AVEN: variants seen among roughly 807,000 people sequenced by gnomAD.
AVEN encodes the protein apoptosis and caspase activation inhibitor, also known as cell death regulator Aven.
In AVEN, 41 loss-of-function variants were observed where a neutral mutation model predicts 38.1. The observed-to-expected ratio is 1.08, with a 90% confidence interval of 0.84 to 1.40. AVEN has a LOEUF of 1.40. Ranked by LOEUF, AVEN falls within the 40% of genes most tolerant of loss-of-function variation. The pLI is 0.00. For synonymous variants in AVEN, 206 were observed against 171.8 expected (o/e 1.20, Z -1.56); for missense variants, 605 against 438.8 (o/e 1.38, Z -3.38).
intron 2 of AVEN, among the ~76,000 whole-genome samples, chr15:33,931,665 G>A (rs935097417): frequency 3.3e-5 from 5 of 151,938 alleles, no homozygotes; most frequent in Non-Finnish European, 5.9e-5. Flanking sequence ...CACCGCGCCC[G>A]GCCTGAATAT....
intron 2 of AVEN, among the ~76,000 whole-genome samples, chr15:33,942,537 G>A (rs1428214865): frequency 2.6e-5 from 4 of 151,684 alleles, no homozygotes; most frequent in African/African-American, 9.7e-5. Context: ...TGCAAGCTCC[G>A]CCCCCCGGAT....
At chr15:33,853,135 G>A in the AVEN span, 2 of 1,483,876 alleles carry the variant, frequency 1.3e-6, no homozygotes, top group Non-Finnish European at 1.8e-6. Flanking sequence ...AAAAAATGTG[G>A]TGTATGTTTT....
At chr15:33,901,349 C>T (rs1190461550) in intron 2 of AVEN, among the ~76,000 whole-genome samples, 1 of 152,164 alleles carries the variant, frequency 6.6e-6, no homozygotes, top group Non-Finnish European at 1.5e-5. Flanking sequence ...ACTAGAAGTC[C>T]ACATACAATG....
In AVEN at chr15:33,866,670, G is replaced by C. The variant is rs575647448; in HGVS notation, c.1032C>G (p.Thr344=). The part of the protein sequence containing the change: ...EKNMEPEQPS[T]SKNVTEEELE... ...GCTCTTCCTCGGTAACATTTTTGGA[G>C]GTACTTGGTTGCTCAGGTTCCATGT... Residue 344 remains threonine, a synonymous_variant, in exon 6 of 6, where the codon ACC becomes ACG. Coordinates refer to ENST00000306730, the MANE Select transcript of AVEN (RefSeq NM_020371.3). The C allele has an allele frequency of 6.2e-7, 1 of 1,614,008 alleles. No homozygotes were observed. Among genetic ancestry groups the C allele is most frequent in the Admixed American group, 1.7e-5 (1 of 60,026 alleles).
At chr15:33,933,465 A>C (rs1053128798) in intron 2 of AVEN, among the ~76,000 whole-genome samples, 4 of 146,644 alleles carry the variant, frequency 2.7e-5, no homozygotes, top group African/African-American at 1.0e-4. Context: ...AGGCTCAGGA[A>C]GTAAGCCAGG....
At chr15:33,962,527 C>T (rs1193585761) in intron 2 of AVEN, among the ~76,000 whole-genome samples, 2 of 152,168 alleles carry the variant, frequency 1.3e-5, no homozygotes, top group Non-Finnish European at 2.9e-5. Context: ...CCCTTTCTTT[C>T]CATCTATTAT....
intron 11 of AVEN, chr15:33,861,082 A>C (rs893638683): frequency 6.3e-7 from 1 of 1,583,316 alleles, no homozygotes; most frequent in Non-Finnish European, 8.6e-7. Flanking sequence ...TCTTAGACTA[A>C]ATGTTTCATC....
chr15:34,044,303 A>T (rs60757549), intron 5 of AVEN, among the ~76,000 whole-genome samples: 14,302 of 152,120 alleles, frequency 0.094, 874 homozygotes, highest in East Asian at 0.31. Context: ...TGTGATCTCC[A>T]TGTAACTAAA....
intron 2 of AVEN, among the ~76,000 whole-genome samples, chr15:33,919,268 A>G (rs1231848316): frequency 6.6e-6 from 1 of 152,228 alleles, no homozygotes. Flanking sequence ...TAGCAGAAGA[A>G]AAATAAATCC....
At chr15:33,879,695 T>C (rs1891405308) in intron 2 of AVEN, among the ~76,000 whole-genome samples, 1 of 152,220 alleles carries the variant, frequency 6.6e-6, no homozygotes, top group South Asian at 2.1e-4. Flanking sequence ...TGTGAAATCC[T>C]ACGGAATTGA....
At chr15:33,863,522 G>T (rs772190075), downstream of AVEN, among the ~76,000 whole-genome samples, 5 of 152,172 alleles carry the variant, frequency 3.3e-5, no homozygotes, top group Admixed American at 6.5e-5. Flanking sequence ...CGGTCTCTGA[G>T]ATCATATAAT....
At chr15:33,943,354 C>G (rs116911918) in intron 2 of AVEN, among the ~76,000 whole-genome samples, 34 of 151,068 alleles carry the variant, frequency 2.3e-4, no homozygotes, top group Non-Finnish European at 4.3e-4. Flanking sequence ...AAGCCAGTCA[C>G]TAAAAGACAA....
chr15:33,938,332 G>A (rs1450631778), intron 2 of AVEN, among the ~76,000 whole-genome samples: 1 of 152,108 alleles, frequency 6.6e-6, no homozygotes, highest in Non-Finnish European at 1.5e-5. Flanking sequence ...GTGGGCACCT[G>A]TAGTACCAGC....
intron 2 of AVEN, among the ~76,000 whole-genome samples, chr15:33,978,021 G>A (rs148215133): frequency 2.1e-5 from 3 of 143,338 alleles, no homozygotes; most frequent in African/African-American, 7.5e-5. Flanking sequence ...AGGGAGGGAG[G>A]GAGGGATGGA....
chr15:33,960,822 T>C (rs1395547452), intron 2 of AVEN, among the ~76,000 whole-genome samples: 1 of 152,148 alleles, frequency 6.6e-6, no homozygotes, highest in Non-Finnish European at 1.5e-5. Context: ...GGAGCAGAGT[T>C]TATCCCTTAG....
At chr15:33,952,636 A>AT (rs35199220) in intron 2 of AVEN, among the ~76,000 whole-genome samples, 2 of 152,158 alleles carry the variant, frequency 1.3e-5, no homozygotes, top group Admixed American at 6.5e-5. Flanking sequence ...TTAAATATGC[A>AT]TTTTTTGTAA....
At chr15:33,857,824 T>C (rs765937489), downstream of AVEN, 4 of 1,614,218 alleles carry the variant, frequency 2.5e-6, no homozygotes, top group African/African-American at 1.3e-5. Context: ...TTTATCTCTA[T>C]ACTGTGGTGG....
chr15:33,976,310 T>C (rs1895884475), intron 2 of AVEN, among the ~76,000 whole-genome samples: 1 of 152,226 alleles, frequency 6.6e-6, no homozygotes, highest in African/African-American at 2.4e-5. Flanking sequence ...TCATCCAAAA[T>C]CTCAAATGAT....
chr15:33,961,762 G>C (rs113993358), intron 2 of AVEN, among the ~76,000 whole-genome samples: 1 of 141,264 alleles, frequency 7.1e-6, no homozygotes, highest in Non-Finnish European at 1.5e-5. Context: ...GCAGTGAGCC[G>C]AGATCGCGCC....
Sources: gnomAD v4.1 joint callset for allele counts (sites outside exome capture counted in the v4.1 genomes callset) on GRCh38, gnomAD v4.1.1 for gene constraint, MANE v1.5 for transcripts, NCBI Gene and HGNC (gene_info 2026-07-23, HGNC 2026-07-21) for gene names.